The following CHST8 variants were observed in gnomAD, a reference collection of about 807,000 sequenced individuals.
CHST8 encodes the protein GALNAC-4-ST1.
Under a neutral mutation model 15.0 loss-of-function variants are expected in CHST8, and 10 were observed. The ratio of observed to expected loss-of-function variants is 0.67; its 90% confidence interval spans 0.41 to 1.13. CHST8 has a LOEUF of 1.13. Among genes scored for constraint, CHST8 ranks in the 50% most tolerant of loss-of-function variants. CHST8 has a pLI of 0.00. For missense variants in CHST8, 634 were observed against 608.2 expected (o/e 1.04, Z -0.45); for synonymous variants, 259 against 256.6 (o/e 1.01, Z -0.09).
chr19:33,649,474 C>T (rs982785329), intron 1 of CHST8, among the ~76,000 whole-genome samples: 2 of 152,236 alleles, frequency 1.3e-5, no homozygotes, highest in East Asian at 1.9e-4. Context: ...GCAAGCACTT[C>T]GAGGGAGGGC....
intron 3 of CHST8, among the ~76,000 whole-genome samples, chr19:33,736,791 C>G (rs936346985): frequency 6.6e-6 from 1 of 152,156 alleles, no homozygotes; most frequent in African/African-American, 2.4e-5. Context: ...ATGCAGCCCA[C>G]AGCTTTGTCC....
chr19:33,769,499 C>T (rs4805940), intron 3 of CHST8, among the ~76,000 whole-genome samples: 3,158 of 152,116 alleles, frequency 0.021, 52 homozygotes, highest in Non-Finnish European at 0.027. Flanking sequence ...AGTGGTGCAG[C>T]GGGTCCCTTC....
chr19:33,719,923 T>G (rs1340275837), intron 3 of CHST8, among the ~76,000 whole-genome samples: 4 of 152,058 alleles, frequency 2.6e-5, no homozygotes, highest in Non-Finnish European at 5.9e-5. Context: ...ACACACTCAG[T>G]GTGTCAGGCA....
chr19:33,670,705 C>T (rs1013492059), intron 2 of CHST8, among the ~76,000 whole-genome samples: 1 of 152,204 alleles, frequency 6.6e-6, no homozygotes, highest in Non-Finnish European at 1.5e-5. Context: ...GCTTCCACTG[C>T]TCCCCTTACT....
At chr19:33,693,010 T>C (rs983532510) in intron 3 of CHST8, among the ~76,000 whole-genome samples, 2 of 146,350 alleles carry the variant, frequency 1.4e-5, no homozygotes, top group African/African-American at 5.0e-5. Context: ...CTTTCTTTCT[T>C]TTTTTTTTTT....
chr19:33,766,346 C>A (rs1348640132), intron 3 of CHST8, among the ~76,000 whole-genome samples: 1 of 152,124 alleles, frequency 6.6e-6, no homozygotes, highest in Non-Finnish European at 1.5e-5. Flanking sequence ...CTTCATACTT[C>A]CCATGGAGTG....
intron 3 of CHST8, among the ~76,000 whole-genome samples, chr19:33,762,472 C>G (rs530959782): frequency 1.1e-4 from 17 of 152,210 alleles, no homozygotes; most frequent in African/African-American, 4.1e-4. Context: ...ATCACTAAGG[C>G]GAGGGAACAG....
At chr19:33,658,275 G>A (rs1305595505) in intron 1 of CHST8, among the ~76,000 whole-genome samples, 2 of 152,210 alleles carry the variant, frequency 1.3e-5, no homozygotes, top group Non-Finnish European at 2.9e-5. Context: ...GGGAGGCGGA[G>A]ATTGCAGTGA....
chr19:33,757,536 GAAA>G lies in CHST8; in HGVS notation c.131-13876_131-13874del, dbSNP rs775517895. Among the ~76,000 whole-genome samples, 34 of 68,440 alleles carry G rather than the reference GAAA, an allele frequency of 5.0e-4. 4 individuals carry two copies. Among genetic ancestry groups the G allele is most frequent in the Middle Eastern group, 6.8e-3 (1 of 146 alleles). 44.9% of individuals were successfully genotyped at this position (68,440 alleles called of 152,430 possible). A position where few individuals can be genotyped will look rare whatever the true frequency, so the allele number is the denominator to read the frequency against. Reference sequence around the variant, plus strand: ...AAAGAAAGAAAGAGAAAGAAAGAAAGAAAGAAAGAAAGAAAGAAAGAAAGAAAG... The same window carrying G: ...AAAGAAAGAAAGAGAAAGAAAGAAAGGAAAGAAAGAAAGAAAGAAAGAAAG... On this transcript the variant is annotated intron_variant, in intron 3 of 4. Transcript: ENST00000650847.
At chr19:33,696,261 T>C (rs1414740025) in intron 3 of CHST8, among the ~76,000 whole-genome samples, 1 of 152,178 alleles carries the variant, frequency 6.6e-6, no homozygotes, top group African/African-American at 2.4e-5. Flanking sequence ...TCTGAGTAGA[T>C]ACCCAGGAGT....
At chr19:33,692,784 AGCT>A (rs750494741) in intron 3 of CHST8, among the ~76,000 whole-genome samples, 4 of 152,018 alleles carry the variant, frequency 2.6e-5, no homozygotes, top group Non-Finnish European at 5.9e-5. Flanking sequence ...GAATTTTACG[AGCT>A]GCTTTCTTTG....
chr19:33,759,008 G>A (rs752372510), intron 3 of CHST8, among the ~76,000 whole-genome samples: 58 of 152,222 alleles, frequency 3.8e-4, no homozygotes, highest in Non-Finnish European at 6.0e-4. Flanking sequence ...CAGGAACAAA[G>A]GGTGAGACTT....
intron 1 of CHST8, among the ~76,000 whole-genome samples, chr19:33,626,505 C>T (rs969857756): frequency 6.6e-6 from 1 of 152,178 alleles, no homozygotes; most frequent in African/African-American, 2.4e-5. Context: ...GAGGTGGGGC[C>T]TGGTGGGAGG....
At chr19:33,654,348 G>C (rs61009663) in intron 1 of CHST8, among the ~76,000 whole-genome samples, 30 of 151,890 alleles carry the variant, frequency 2.0e-4, no homozygotes, top group Admixed American at 1.8e-3. Flanking sequence ...TAGTCTTTCT[G>C]CTTGTTTATC....
At chr19:33,652,775 G>A (rs1382011203) in intron 1 of CHST8, among the ~76,000 whole-genome samples, 2 of 152,054 alleles carry the variant, frequency 1.3e-5, no homozygotes, top group Non-Finnish European at 2.9e-5. Flanking sequence ...AGGATTGATT[G>A]TATGTACTTT....
chr19:33,685,309 C>T (rs1042921442), intron 2 of CHST8: 6 of 151,822 alleles, frequency 4.0e-5, no homozygotes, highest in South Asian at 2.1e-4. Flanking sequence ...AGGAATCCTT[C>T]GCCCTGCCCT....
chr19:33,639,376 G>A (rs1972248073), intron 1 of CHST8, among the ~76,000 whole-genome samples: 2 of 152,140 alleles, frequency 1.3e-5, no homozygotes, highest in South Asian at 4.1e-4. Context: ...CCAGGGGCAG[G>A]GGCATGGCAC....
intron 1 of CHST8, among the ~76,000 whole-genome samples, chr19:33,639,821 C>A (rs115227753): frequency 6.7e-6 from 1 of 148,576 alleles, no homozygotes; most frequent in African/African-American, 2.5e-5. Flanking sequence ...TCTATAGGGA[C>A]AATGGAGAAG....
intron 1 of CHST8, among the ~76,000 whole-genome samples, chr19:33,633,584 G>T (rs1568308906): frequency 2.3e-5 from 1 of 44,028 alleles, no homozygotes; most frequent in Non-Finnish European, 7.4e-5. Context: ...TTGTAGAGAT[G>T]GGGGGGTCTC....
Sources: gnomAD v4.1 joint callset for allele counts (sites outside exome capture counted in the v4.1 genomes callset) on GRCh38, gnomAD v4.1.1 for gene constraint, MANE v1.5 for transcripts, NCBI Gene and HGNC (gene_info 2026-07-23, HGNC 2026-07-21) for gene names.